PRORP: variants seen among roughly 807,000 people sequenced by gnomAD.
PRORP encodes the protein mitochondrial ribonuclease P catalytic subunit.
In PRORP, 51 loss-of-function variants were observed where a neutral mutation model predicts 59.4. The ratio of observed to expected loss-of-function variants is 0.86; its 90% CI spans 0.69 to 1.08. The LOEUF (loss-of-function observed/expected upper bound fraction) is 1.08. Among genes scored for constraint, PRORP ranks in the 50% least tolerant of loss-of-function variants. The probability of loss-of-function intolerance (pLI) is 0.00; values close to 1 mark genes in which losing one functional copy is unlikely to be tolerated. For synonymous variants in PRORP, 231 were observed against 245.6 expected, an observed-to-expected ratio of 0.94 and a Z score of 0.55; for missense variants, 646 against 690.3, an observed-to-expected ratio of 0.94 and a Z score of 0.72.
intron 5 of PRORP, among the ~76,000 whole-genome samples, chr14:35,209,977 C>T (rs996803231): frequency 3.3e-5 from 5 of 152,128 alleles, no homozygotes; most frequent in African/African-American, 7.2e-5. Flanking sequence ...AGAGCACTCT[C>T]TCTAAATGAG....
At chr14:35,266,931 G>T in intron 6 of PRORP, 56 bp downstream of exon 6, 2 of 1,567,472 alleles carry the variant, frequency 1.3e-6, no homozygotes, top group Non-Finnish European at 1.7e-6. Context: ...CTATCTGCTT[G>T]TTAGTTACCT....
chr14:35,192,862 C>T (rs1353307508), intron 5 of PRORP, among the ~76,000 whole-genome samples: 7 of 151,740 alleles, frequency 4.6e-5, no homozygotes, highest in Admixed American at 2.0e-4. Context: ...GGCATGGTGG[C>T]GCGTGCCTGT....
At chr14:35,180,625 C>T in intron 4 of PRORP, 45 bp from the exon 5 acceptor site, 2 of 1,187,486 alleles carry the variant, frequency 1.7e-6, no homozygotes, top group South Asian at 2.5e-5. Flanking sequence ...TAATAAAGTC[C>T]TTACTGAGTT....
At chr14:35,177,389 T>G (rs1233761700) in intron 4 of PRORP, among the ~76,000 whole-genome samples, 2 of 151,954 alleles carry the variant, frequency 1.3e-5, no homozygotes, top group Non-Finnish European at 2.9e-5. Flanking sequence ...TTTTTTGGTT[T>G]GTAGGCTATT....
chr14:35,259,326 C>T (rs999117812), intron 5 of PRORP, among the ~76,000 whole-genome samples: 1 of 152,170 alleles, frequency 6.6e-6, no homozygotes, highest in South Asian at 2.1e-4. Context: ...TACTTTCCAC[C>T]AGTCTATTTG....
At chr14:35,217,723 TG>T (rs1345096602) in intron 5 of PRORP, among the ~76,000 whole-genome samples, 2 of 152,164 alleles carry the variant, frequency 1.3e-5, no homozygotes, top group African/African-American at 2.4e-5. Context: ...TGAATTATCT[TG>T]GTACCCTTCT....
At chr14:35,245,772 G>A (rs1011224331) in intron 5 of PRORP, among the ~76,000 whole-genome samples, 2 of 152,094 alleles carry the variant, frequency 1.3e-5, no homozygotes, top group Non-Finnish European at 2.9e-5. Context: ...ATCATCCTGG[G>A]ATCTCCCTTC....
At position 35,180,762 on chromosome 14, in the gene PRORP, T is replaced by A. The variant is rs372115861; in HGVS notation, c.1260T>A (p.Val420=). The A allele has an allele frequency of 1.2e-6, 2 of 1,601,442 alleles. No individual in the cohort carries two copies. Among genetic ancestry groups the A allele is most frequent in the Non-Finnish European group, 1.7e-6 (2 of 1,169,274 alleles). Reference sequence around the variant, plus strand: ...ATGTTGCCAAAATGTTTCCTAAAGTTCGTGAATCTCAACTTGTAAGTATAA... The same window carrying A: ...ATGTTGCCAAAATGTTTCCTAAAGTACGTGAATCTCAACTTGTAAGTATAA... The part of the protein sequence containing the change: ...GLNVAKMFPK[V]RESQLLLNVV... Residue 420 remains valine (V), a synonymous_variant, in exon 5 of 8, where the codon GTT becomes GTA. Coordinates refer to ENST00000534898, the MANE Select transcript of PRORP (RefSeq NM_014672.4).
chr14:35,243,678 C>T (rs1483771332), intron 5 of PRORP, among the ~76,000 whole-genome samples: 3 of 152,110 alleles, frequency 2.0e-5, no homozygotes, highest in African/African-American at 4.8e-5. Flanking sequence ...TGCCTAGGTT[C>T]GAAACCTAGT....
chr14:35,197,373 T>C (rs143883005), intron 5 of PRORP, among the ~76,000 whole-genome samples: 8 of 152,332 alleles, frequency 5.3e-5, no homozygotes, highest in African/African-American at 1.2e-4. Context: ...TAAACAGCAA[T>C]TGCAGAGTGA....
At chr14:35,201,130 G>A (rs1374699610) in intron 5 of PRORP, among the ~76,000 whole-genome samples, 1 of 152,156 alleles carries the variant, frequency 6.6e-6, no homozygotes, top group Non-Finnish European at 1.5e-5. Context: ...AGACCACAGA[G>A]GCAAAATGCC....
intron 2 of PRORP, among the ~76,000 whole-genome samples, chr14:35,125,235 C>G (rs1454870529): frequency 2.6e-5 from 4 of 152,090 alleles, no homozygotes; most frequent in African/African-American, 9.7e-5. Context: ...AAGCCTTATA[C>G]GTAAGCATTA....
At chr14:35,229,905 C>G (rs1298378273) in intron 5 of PRORP, among the ~76,000 whole-genome samples, 3 of 152,194 alleles carry the variant, frequency 2.0e-5, no homozygotes, top group Middle Eastern at 3.4e-3. Flanking sequence ...TCAGAAATCA[C>G]ATGTTACACA....
chr14:35,146,127 A>G (rs189322883), intron 4 of PRORP, among the ~76,000 whole-genome samples: 85 of 152,224 alleles, frequency 5.6e-4, no homozygotes, highest in African/African-American at 1.6e-3. Flanking sequence ...CGCCGCACTC[A>G]GCCCCATTTT....
Position 35,178,189 on chromosome 14 carries a change from C to T in PRORP, c.1168-2481C>T, listed in dbSNP as rs549369802. The stretch of plus-strand genomic sequence containing the variant: ...TATGTGGTCAATTTTGGAATAAATG[C>T]GATGTGGTGCTGAGAAGAATGTAAA... On this transcript the variant is annotated intron_variant, in intron 4 of 7. Transcript: ENST00000534898. Among the ~76,000 whole-genome samples, 274 of 152,072 alleles carry T rather than the reference C, an allele frequency of 1.8e-3. 1 individual carries two copies. Among genetic ancestry groups the T allele is most frequent in the African/African-American group, 5.9e-3 (244 of 41,474 alleles).
At chr14:35,181,844 A>G (rs2048618954) in intron 5 of PRORP, among the ~76,000 whole-genome samples, 1 of 151,420 alleles carries the variant, frequency 6.6e-6, no homozygotes, top group Non-Finnish European at 1.5e-5. Context: ...TATTATTTTT[A>G]TATTTGAAAT....
intron 5 of PRORP, among the ~76,000 whole-genome samples, chr14:35,223,544 C>G (rs2049851895): frequency 6.8e-6 from 1 of 147,368 alleles, no homozygotes; most frequent in East Asian, 2.0e-4. Context: ...ACTGCAACCT[C>G]TGCCTCCCAG....
chr14:35,216,130 TA>T (rs2049585455), intron 5 of PRORP, among the ~76,000 whole-genome samples: 1 of 147,682 alleles, frequency 6.8e-6, no homozygotes, highest in South Asian at 2.1e-4. Flanking sequence ...ATATAATATA[TA>T]ATATATTTAT....
intron 5 of PRORP, among the ~76,000 whole-genome samples, chr14:35,200,702 A>G (rs1428896971): frequency 6.6e-6 from 1 of 151,736 alleles, no homozygotes; most frequent in Non-Finnish European, 1.5e-5. Flanking sequence ...TTTTTTTACA[A>G]TAAGACTTTT....
Sources: allele counts gnomAD v4.1 joint callset (sites outside exome capture counted in the v4.1 genomes callset), GRCh38; gene constraint gnomAD v4.1.1; transcripts MANE v1.5; gene names NCBI Gene and HGNC (gene_info 2026-07-23, HGNC 2026-07-21).